Variants in DCC observed in about 807,000 individuals in gnomAD.
DCC encodes the protein DCC netrin 1 receptor, also known as netrin receptor DCC.
DCC carries 58 observed loss-of-function variants against 172.5 expected under a neutral mutation model. The observed-to-expected ratio is 0.34, with a 90% CI of 0.27 to 0.42. The LOEUF is 0.42. Among genes scored for constraint, DCC ranks in the 10% least tolerant of loss-of-function variants. DCC has a pLI of 1.00. For missense variants in DCC, 1,740 were observed against 1,791.0 expected (o/e 0.97, Z 0.51); for synonymous variants, 709 against 644.5 (o/e 1.10, Z -1.52).
At chr18:53,217,627 C>T (rs753073519) in intron 12 of DCC, among the ~76,000 whole-genome samples, 33 of 152,158 alleles carry the variant, frequency 2.2e-4, no homozygotes, top group Non-Finnish European at 2.1e-4. Flanking sequence ...CAAAACACCA[C>T]TTTTTGCATT....
chr18:52,836,619 T>C (rs529453982), intron 2 of DCC, among the ~76,000 whole-genome samples: 1 of 152,212 alleles, frequency 6.6e-6, no homozygotes, highest in Non-Finnish European at 1.5e-5. Context: ...CACGTGCAGG[T>C]CTTGCTGATG....
intron 2 of DCC, among the ~76,000 whole-genome samples, chr18:52,842,778 A>G (rs2038827964): frequency 6.6e-6 from 1 of 152,168 alleles, no homozygotes. Flanking sequence ...CTAATAAGTT[A>G]TTTGAACAAA....
intron 28 of DCC, chr18:53,530,264 G>A (rs1644912608): frequency 2.9e-6 from 2 of 696,824 alleles, no homozygotes; most frequent in African/African-American, 1.8e-5. Flanking sequence ...GCACTCACTT[G>A]TCTAAGACCA....
chr18:53,348,690 G>A (rs2057753087), intron 15 of DCC, among the ~76,000 whole-genome samples: 1 of 152,138 alleles, frequency 6.6e-6, no homozygotes, highest in East Asian at 1.9e-4. Flanking sequence ...TGACTTCTGT[G>A]CACTGGCAGG....
Position 53,468,008 on chromosome 18 carries a change from C to G in DCC, c.3734C>G (p.Pro1245Arg). ...CCCATGGATGCCCAGTCCAACAATC[C>G]TGGTGAGTCAATATTGGTGCCACAA... is the stretch of plus-strand genomic sequence containing the variant. Reference protein sequence around the residue: ...MIPMDAQSNNPAVVSAIPVPT... With the variant: ...MIPMDAQSNNRAVVSAIPVPT... The change falls in exon 25 of 29, where the codon CCT becomes CGT. Residue 1245 changes from proline (P) to arginine (R), a missense_variant and splice_region_variant. Physicochemically the swap from Pro to Arg is moderately radical, Grantham distance 103 (BLOSUM62 -2). Coordinates refer to ENST00000442544, the MANE Select transcript of DCC (RefSeq NM_005215.4). The G allele has an allele frequency of 6.7e-7, 1 of 1,493,232 alleles. No homozygotes were observed. Among genetic ancestry groups the G allele is most frequent in the Non-Finnish European group, 9.3e-7 (1 of 1,069,842 alleles). 92.5% of individuals were successfully genotyped at this position (1,493,232 alleles called of 1,614,324 possible).
At chr18:52,674,842 G>GT (rs2035621919) in intron 1 of DCC, among the ~76,000 whole-genome samples, 1 of 151,978 alleles carries the variant, frequency 6.6e-6, no homozygotes, top group South Asian at 2.1e-4. Flanking sequence ...TGAAAGACTG[G>GT]TTCAGGCCAG....
chr18:53,340,799 C>T (rs1454182115), intron 15 of DCC, among the ~76,000 whole-genome samples: 2 of 152,054 alleles, frequency 1.3e-5, no homozygotes, highest in Non-Finnish European at 2.9e-5. Context: ...TACATGACCC[C>T]ACTGGAAATG....
chr18:52,885,225 T>C (rs1432915693), intron 2 of DCC, among the ~76,000 whole-genome samples: 1 of 152,144 alleles, frequency 6.6e-6, no homozygotes, highest in African/African-American at 2.4e-5. Flanking sequence ...CCAGTCATGT[T>C]TGTTCTCCTC....
At chr18:52,405,552 G>A (rs1396889967) in intron 1 of DCC, among the ~76,000 whole-genome samples, 1 of 151,300 alleles carries the variant, frequency 6.6e-6, no homozygotes, top group Non-Finnish European at 1.5e-5. Flanking sequence ...GCCGAATCGT[G>A]AGTGAACTCC....
intron 16 of DCC, among the ~76,000 whole-genome samples, chr18:53,388,412 G>C (rs930040033): frequency 6.6e-6 from 1 of 152,288 alleles, no homozygotes; most frequent in Non-Finnish European, 1.5e-5. Flanking sequence ...TCTCGAACAA[G>C]GGCCCGTGTA....
intron 1 of DCC, among the ~76,000 whole-genome samples, chr18:52,614,999 T>C (rs1159078183): frequency 6.6e-6 from 1 of 152,118 alleles, no homozygotes; most frequent in Admixed American, 6.6e-5. Flanking sequence ...GAAAGGGAAA[T>C]ATATATATTT....
At chr18:52,548,983 C>T (rs1458006042) in intron 1 of DCC, among the ~76,000 whole-genome samples, 6 of 152,096 alleles carry the variant, frequency 3.9e-5, no homozygotes, top group South Asian at 2.1e-4. Context: ...ATTCTTCCTA[C>T]ACATATTTCC....
rs1162859910 is a variant in DCC, at chr18:53,262,492, C to T, written c.1912-43086C>T. On this transcript the variant is annotated intron_variant, in intron 12 of 28. Transcript: ENST00000442544. ...TAAACTCCCATCTGATTCTGAAGAG[C>T]TTATAATACTTTCAGAAGAGATAAT... 3.3e-5 allele frequency among the ~76,000 whole-genome samples: 5 copies of T among 152,266 alleles called. No homozygotes were observed. In the South Asian group the frequency reaches 6.2e-4, roughly 19 times the overall value.
intron 7 of DCC, among the ~76,000 whole-genome samples, chr18:53,082,454 C>G (rs2144139466): frequency 6.6e-6 from 1 of 152,010 alleles, no homozygotes; most frequent in South Asian, 2.1e-4. Context: ...CTGTCATATA[C>G]AAAGAGCTTT....
intron 27 of DCC, among the ~76,000 whole-genome samples, chr18:53,506,212 T>TATAATA (rs1388592594): frequency 6.6e-6 from 1 of 152,172 alleles, no homozygotes; most frequent in East Asian, 1.9e-4. Context: ...TTGGTCAGAA[T>TATAATA]ATAATAAAAT....
At chr18:53,127,807 G>A (rs1457403334) in intron 7 of DCC, among the ~76,000 whole-genome samples, 4 of 152,064 alleles carry the variant, frequency 2.6e-5, no homozygotes, top group Non-Finnish European at 5.9e-5. Flanking sequence ...CTTTATAGTC[G>A]AAACTTATTT....
intron 1 of DCC, among the ~76,000 whole-genome samples, chr18:52,665,723 TA>T (rs2035449808): frequency 1.3e-5 from 2 of 152,228 alleles, no homozygotes; most frequent in African/African-American, 4.8e-5. Flanking sequence ...ATCAACCACA[TA>T]TAAGGAAGTC....
At chr18:52,795,067 G>GA (rs143104115) in intron 2 of DCC, among the ~76,000 whole-genome samples, 5,336 of 151,968 alleles carry the variant, frequency 0.035, 130 homozygotes, top group Admixed American at 0.049. Flanking sequence ...GTATTGATCA[G>GA]AAAAAATGGC....
intron 23 of DCC, among the ~76,000 whole-genome samples, chr18:53,452,178 G>A (rs1303864197): frequency 6.6e-6 from 1 of 152,180 alleles, no homozygotes. Flanking sequence ...CAGGAAAGGG[G>A]TTGTGAAATC....
Sources: allele counts gnomAD v4.1 joint callset (sites outside exome capture counted in the v4.1 genomes callset), GRCh38; gene constraint gnomAD v4.1.1; transcripts MANE v1.5; gene names NCBI Gene and HGNC (gene_info 2026-07-23, HGNC 2026-07-21).